CFAP58: variants seen among roughly 807,000 people sequenced by gnomAD.
The protein encoded by CFAP58 is cilia and flagella associated protein 58.
In CFAP58, 88 loss-of-function variants were observed where a neutral mutation model predicts 119.5. That is an observed-to-expected ratio of 0.74 (90% confidence interval 0.62 to 0.88). CFAP58 has a LOEUF of 0.88. CFAP58 is among the 40% of genes least tolerant of loss of function. The pLI, the probability that CFAP58 is intolerant of heterozygous loss-of-function variation, is 0.00. For missense variants in CFAP58, 990 were observed against 1,021.2 expected, an observed-to-expected ratio of 0.97 and a Z score of 0.42; for synonymous variants, 365 against 366.3, an observed-to-expected ratio of 1.00 and a Z score of 0.04.
chr10:104,348,725 TA>T, the CFAP58 span, among the ~76,000 whole-genome samples: 1 of 152,210 alleles, frequency 6.6e-6, no homozygotes, highest in Non-Finnish European at 1.5e-5. Flanking sequence ...GAGATTCTTT[TA>T]ACTTCCTTCC....
At chr10:104,384,648 T>C (rs2011885809) in intron 9 of CFAP58, among the ~76,000 whole-genome samples, 1 of 152,244 alleles carries the variant, frequency 6.6e-6, no homozygotes. Context: ...TTCATAAGGT[T>C]CTTAACCTAA....
chr10:104,362,147 G>C lies in CFAP58; in HGVS notation c.416G>C (p.Gly139Ala), dbSNP rs1313237861. The change falls in exon 3 of 18, where the codon GGA (glycine) becomes GCA (alanine). Residue 139 changes from glycine to alanine, a missense_variant. Gly to Ala is a moderately conservative substitution (Grantham distance 60, BLOSUM62 0). Coordinates refer to ENST00000369704, the MANE Select transcript of CFAP58 (RefSeq NM_001008723.2). ...ACCAAACTAGTGGAGCAGGGGTCTG[G>C]ACTGTCAATGGACCAGCATAGCAAG... ...NLTKLVEQGS[G>A]LSMDQHSNIR... 6.2e-7 allele frequency: 1 copy of C among 1,613,598 alleles called. No homozygotes were observed. Among genetic ancestry groups the C allele is most frequent in the Non-Finnish European group, 8.5e-7 (1 of 1,179,878 alleles).
rs532565056 is a variant in CFAP58, at chr10:104,362,577, C to T, written c.440+406C>T. Among the ~76,000 whole-genome samples, 26 of 152,276 alleles carry T rather than the reference C, an allele frequency of 1.7e-4. No homozygotes were observed. In the South Asian group the frequency reaches 4.8e-3, roughly 28 times the overall value. The stretch of plus-strand genomic sequence containing the variant: ...TAGGCCAGAAAACAGTGCTGCTCTT[C>T]CCTCCTCCTGCTCCCCCATCTCTTA... On this transcript the variant is annotated intron_variant, in intron 3 of 17. Transcript: ENST00000369704.
chr10:104,421,521 A>C (rs1424767299), intron 15 of CFAP58, among the ~76,000 whole-genome samples: 4 of 152,204 alleles, frequency 2.6e-5, no homozygotes, highest in African/African-American at 9.7e-5. Context: ...TGGGTGGGTA[A>C]ACCTTATTGG....
intron 15 of CFAP58, among the ~76,000 whole-genome samples, chr10:104,439,859 G>T (rs557152265): frequency 4.2e-4 from 64 of 152,298 alleles, no homozygotes; most frequent in African/African-American, 1.3e-3. Context: ...TCGCTCTGTG[G>T]CCCAGGCTGG....
intron 17 of CFAP58, 49 bp from the exon 18 acceptor site, chr10:104,454,373 T>G (rs755978543): frequency 3.5e-6 from 5 of 1,432,054 alleles, no homozygotes; most frequent in Admixed American, 1.7e-5. Flanking sequence ...ATGTCAAACT[T>G]AGACAAAAAG....
chr10:104,419,428 C>G (rs1194260687), intron 15 of CFAP58, among the ~76,000 whole-genome samples: 3 of 152,080 alleles, frequency 2.0e-5, no homozygotes, highest in African/African-American at 7.2e-5. Flanking sequence ...AAATGCTGAT[C>G]TGAGGGCCAG....
At position 104,354,254 on chromosome 10, in the gene CFAP58, T is replaced by G. The variant is rs113042817; in HGVS notation, c.9+348T>G. On this transcript the variant is annotated intron_variant, in intron 1 of 17. Transcript: ENST00000369704. ...GAGGCTCACACAGAAATATTGGAGATGTCTTATCTCACAGGGGAAACCGGG... is the reference window on the plus strand; with the variant it reads ...GAGGCTCACACAGAAATATTGGAGAGGTCTTATCTCACAGGGGAAACCGGG... Among the ~76,000 whole-genome samples, 222 of 152,270 alleles carry G rather than the reference T, an allele frequency of 1.5e-3. 1 individual carries two copies. Among genetic ancestry groups the G allele is most frequent in the African/African-American group, 5.2e-3 (215 of 41,540 alleles).
At chr10:104,441,191 T>C (rs2133091177) in intron 15 of CFAP58, among the ~76,000 whole-genome samples, 1 of 152,050 alleles carries the variant, frequency 6.6e-6, no homozygotes, top group East Asian at 1.9e-4. Context: ...TTTGTAGAGA[T>C]GAGATTTTGC....
Position 104,392,289 on chromosome 10 carries a change from GA to G in CFAP58, c.1429del (p.Ile477Ter), listed in dbSNP as rs761844995. The G allele has an allele frequency of 3.7e-6, 6 of 1,611,324 alleles. No individual in the cohort carries two copies. The Admixed American group carries it at 6.7e-5, about 18-fold the overall frequency. On this transcript the variant is annotated frameshift_variant, in exon 10 of 18. Coordinates refer to ENST00000369704, the MANE Select transcript of CFAP58 (RefSeq NM_001008723.2). LOFTEE classifies it high-confidence loss of function. Reference protein sequence around the residue: ...VRETQIFDYRKKIAESEIKLK... With the variant: ...VRETQIFDYRXKIAESEIKLK... ...GTGAAACACAGATTTTTGACTACAG[GA>G]AAAAAATAGCTGAATCAGAGATTAA...
At chr10:104,389,416 G>C (rs1019809466) in intron 9 of CFAP58, among the ~76,000 whole-genome samples, 3 of 152,132 alleles carry the variant, frequency 2.0e-5, no homozygotes, top group African/African-American at 4.8e-5. Context: ...GCATTATTCT[G>C]CCTGTGCAAA....
intron 15 of CFAP58, among the ~76,000 whole-genome samples, chr10:104,414,294 C>T (rs990449576): frequency 6.6e-6 from 1 of 152,178 alleles, no homozygotes; most frequent in Non-Finnish European, 1.5e-5. Flanking sequence ...GCCAACCATC[C>T]TTGGCCCACA....
Position 104,392,339 on chromosome 10 carries a change from A to T in CFAP58, c.1472A>T (p.Tyr491Phe). 2 of 1,612,060 alleles carry T rather than the reference A, an allele frequency of 1.2e-6. No homozygotes were observed. The highest frequency in any genetic ancestry group is 1.7e-6 in the Non-Finnish European group (2 of 1,179,166). Residue 491 changes from tyrosine (Y) to phenylalanine (F), a missense_variant, in exon 10 of 18, where the codon TAT becomes TTT. Physicochemically the swap from Tyr to Phe is conservative, Grantham distance 22. Transcript: ENST00000369704. ...AAATTAAAACAGCAACAGAACCTAT[A>T]TGAAGCTGTGAGATCAGACAGAAAT... ...EIKLKQQQNL[Y>F]EAVRSDRNLY...
chr10:104,450,185 C>T lies in CFAP58; in HGVS notation c.2491C>T (p.Arg831Cys), dbSNP rs766520113. 28 of 1,612,694 alleles carry T rather than the reference C, an allele frequency of 1.7e-5. No individual in the cohort carries two copies. Among genetic ancestry groups the T allele is most frequent in the South Asian group, 7.7e-5 (7 of 90,628 alleles). The stretch of plus-strand genomic sequence containing the variant: ...AAAGAAGAAATACCTCGCTCAGAAA[C>T]GTAAAGAACAACTTCAAAAGTAAGA... ...NLKKKYLAQK[R>C]KEQLQKNKDT... The change falls in exon 17 of 18, where the codon CGT becomes TGT. Residue 831 changes from arginine to cysteine, a missense_variant. By Grantham distance (180) the Arg-to-Cys change is radical. Transcript: ENST00000369704.
intron 16 of CFAP58, among the ~76,000 whole-genome samples, chr10:104,449,480 C>T (rs1386521368): frequency 6.6e-6 from 1 of 152,112 alleles, no homozygotes; most frequent in Non-Finnish European, 1.5e-5. Flanking sequence ...AGCCCAGCAG[C>T]AGCTACCGAA....
chr10:104,361,436 C>G (rs1363345513), intron 2 of CFAP58, among the ~76,000 whole-genome samples: 1 of 152,154 alleles, frequency 6.6e-6, no homozygotes, highest in Non-Finnish European at 1.5e-5. Flanking sequence ...TAGGAGATCA[C>G]TTGGGACCAG....
intron 6 of CFAP58, among the ~76,000 whole-genome samples, 176 bp downstream of exon 6, chr10:104,368,736 C>T (rs2014785904): frequency 6.6e-6 from 1 of 152,210 alleles, no homozygotes; most frequent in Non-Finnish European, 1.5e-5. Flanking sequence ...AGTTTGATGA[C>T]TTCCATTCTT....
chr10:104,338,765 GGA>G, the CFAP58 span, among the ~76,000 whole-genome samples: 4 of 152,238 alleles, frequency 2.6e-5, no homozygotes, highest in East Asian at 7.7e-4. Context: ...TACCAGTCGG[GGA>G]GAGTTTTCTG....
At position 104,358,618 on chromosome 10, in the gene CFAP58, A is replaced by G; in HGVS notation, c.287A>G (p.Lys96Arg). The G allele has an allele frequency of 6.2e-7, 1 of 1,607,652 alleles. No homozygotes were observed. Among genetic ancestry groups the G allele is most frequent in the Non-Finnish European group, 8.5e-7 (1 of 1,175,992 alleles). The change falls in exon 2 of 18, where the codon AAG (lysine) becomes AGG (arginine). Residue 96 changes from lysine (K) to arginine (R), a missense_variant. Lys to Arg is a conservative substitution (Grantham distance 26). Transcript: ENST00000369704. ...GATCAGACCACCATTGCATCCCTAA[A>G]GAAGGTCAGTGATCTTCTAGAAATG... is the stretch of plus-strand genomic sequence containing the variant. ...QDDQTTIASL[K>R]KEIEKAWKMV...
Sources: gnomAD v4.1 joint callset for allele counts (sites outside exome capture counted in the v4.1 genomes callset) on GRCh38, gnomAD v4.1.1 for gene constraint, MANE v1.5 for transcripts, NCBI Gene and HGNC (gene_info 2026-07-23, HGNC 2026-07-21) for gene names.